INTS10: variants seen among roughly 807,000 people sequenced by gnomAD.
The protein encoded by INTS10 is chromosome 8 open reading frame 35.
A neutral mutation model predicts 94.4 loss-of-function variants in INTS10; 44 were observed. That is an observed-to-expected ratio of 0.47 (90% CI 0.37 to 0.60). INTS10 has a LOEUF of 0.60. Ranked by LOEUF, INTS10 falls within the 20% of genes least tolerant of loss-of-function variation. The probability of loss-of-function intolerance (pLI) is 0.00; values close to 1 mark genes in which losing one functional copy is unlikely to be tolerated. For synonymous variants in INTS10, 341 were observed against 320.7 expected (o/e 1.06, Z -0.68); for missense variants, 797 against 868.7 (o/e 0.92, Z 1.04).
intron 9 of INTS10, among the ~76,000 whole-genome samples, chr8:19,828,211 TAAAAAATA>T (rs1563371380): frequency 6.6e-6 from 1 of 152,086 alleles, no homozygotes; most frequent in Non-Finnish European, 1.5e-5. Context: ...ACCCCGTCTA[TAAAAAATA>T]AAAAAATAAA....
intron 3 of INTS10, among the ~76,000 whole-genome samples, chr8:19,820,151 G>T (rs149882755): frequency 6.6e-6 from 1 of 151,462 alleles, no homozygotes; most frequent in East Asian, 1.9e-4. Flanking sequence ...ATACATCATT[G>T]TTTTTTGAAT....
rs200274549 is a variant in INTS10, at chr8:19,833,215, T to C, written c.1424T>C (p.Leu475Pro). The change falls in exon 12 of 17, where the codon CTC becomes CCC. Residue 475 changes from leucine to proline, a missense_variant. Coordinates refer to ENST00000397977, the MANE Select transcript of INTS10 (RefSeq NM_018142.4). ...GCCAGCCTGCATCACTTAGCAGCTC[T>C]CCAGGGATCCATTTCTCAGCCACAG... is the stretch of plus-strand genomic sequence containing the variant. ...AIASLHHLAA[L>P]QGSISQPQIT... The C allele has an allele frequency of 1.3e-4, 217 of 1,612,694 alleles. No individual in the cohort carries two copies. The African/African-American group carries it at 2.6e-3, about 19-fold the overall frequency.
chr8:19,838,378 C>G (rs146956758), intron 13 of INTS10, among the ~76,000 whole-genome samples: 1 of 151,852 alleles, frequency 6.6e-6, no homozygotes, highest in African/African-American at 2.4e-5. Context: ...TCAGAATGTT[C>G]AAGAAAGAAA....
chr8:19,833,105 A>G, intron 11 of INTS10, 64 bp from the exon 12 acceptor site: 1 of 1,403,414 alleles, frequency 7.1e-7, no homozygotes, highest in Non-Finnish European at 9.5e-7. Flanking sequence ...CTGGAACGGT[A>G]TTTTTTAAAT....
At chr8:19,830,639 G>A (rs942788724) in intron 10 of INTS10, 80 bp downstream of exon 10, 58 of 1,342,906 alleles carry the variant, frequency 4.3e-5, no homozygotes, top group Non-Finnish European at 5.7e-5. Flanking sequence ...GGTCACTTAC[G>A]GCAAATTAAG....
chr8:19,834,106 G>A (rs919545043), intron 12 of INTS10, among the ~76,000 whole-genome samples: 8 of 152,046 alleles, frequency 5.3e-5, no homozygotes, highest in African/African-American at 1.9e-4. Flanking sequence ...TACAGGGTGG[G>A]GACTATGTTT....
intron 9 of INTS10, among the ~76,000 whole-genome samples, chr8:19,829,104 T>C (rs1262269357): frequency 1.3e-5 from 2 of 152,166 alleles, no homozygotes; most frequent in African/African-American, 2.4e-5. Flanking sequence ...TAGTTGCACA[T>C]ATTTTTATTT....
In INTS10 at chr8:19,830,546, A is replaced by C; in HGVS notation, c.1281A>C (p.Glu427Asp). 1 of 1,612,402 alleles carries C rather than the reference A, an allele frequency of 6.2e-7. No homozygotes were observed. Among genetic ancestry groups the C allele is most frequent in the Non-Finnish European group, 8.5e-7 (1 of 1,179,488 alleles). Residue 427 changes from glutamate (E) to aspartate (D), a missense_variant, in exon 10 of 17, where the codon GAA (glutamate) becomes GAC (aspartate). Transcript: ENST00000397977. ...GCTGGGAGTTGCTCTATTCCCTAGA[A>C]TTCCTTGACAAAGGTAAGAAAGCGC... ...RESWELLYSL[E>D]FLDKEFTRIC...
rs1055663021 is a variant in INTS10 at position 19,817,759 on chromosome 8, G to A, written c.129+93G>A. 42 of 1,474,852 alleles carry A rather than the reference G, an allele frequency of 2.8e-5. No individual in the cohort carries two copies. The African/African-American group carries it at 5.9e-4, about 21-fold the overall frequency. 91.4% of individuals were successfully genotyped at this position (1,474,852 alleles called of 1,614,324 possible). A position where few individuals can be genotyped will look rare whatever the true frequency, so the allele number is the denominator to read the frequency against. ...TGGCCCAGAGCTGCGCCTGCCTGGG[G>A]GCTGCCGCCTCCTGCCCGGCCCCCT... is the stretch of plus-strand genomic sequence containing the variant. On this transcript the variant is annotated intron_variant, in intron 1 of 16. Coordinates refer to ENST00000397977, the MANE Select transcript of INTS10 (RefSeq NM_018142.4).
At position 19,844,000 on chromosome 8, in the gene INTS10, A is replaced by C. The variant is rs2068355448; in HGVS notation, c.1720-76A>C. On this transcript the variant is annotated intron_variant, in intron 14 of 16. Transcript: ENST00000397977. The surrounding 1 kb of genome is among the most constrained non-coding windows in gnomAD (Gnocchi z 4.7). ...TTTGCATATACAGCATATTTTTGGA[A>C]AGTGATGTTTGCTGTATTTCAGATT... 2 of 1,199,526 alleles carry C rather than the reference A, an allele frequency of 1.7e-6. No homozygotes were observed. Among genetic ancestry groups the C allele is most frequent in the Admixed American group, 2.3e-5 (1 of 42,848 alleles). The allele number at this position is 1,199,526 out of a possible 1,614,324, so 74.3% of individuals were successfully genotyped here.
chr8:19,818,418 G>C, intron 2 of INTS10, 76 bp downstream of exon 2: 2 of 1,431,256 alleles, frequency 1.4e-6, no homozygotes, highest in Non-Finnish European at 2.0e-6. Flanking sequence ...GCAGAAGTGG[G>C]AGTTGGGGGA....
chr8:19,818,009 T>G (rs1465864797), intron 1 of INTS10, among the ~76,000 whole-genome samples: 1 of 152,176 alleles, frequency 6.6e-6, no homozygotes, highest in East Asian at 1.9e-4. Flanking sequence ...CGCTCCTTCA[T>G]TCATCATAAT....
At chr8:19,837,487 A>T in intron 13 of INTS10, 1 of 204,122 alleles carries the variant, frequency 4.9e-6, no homozygotes, top group South Asian at 1.2e-4. Context: ...AGCAGCTGTA[A>T]ATGTCTTTCT....
chr8:19,833,118 C>G (rs779572458), intron 11 of INTS10, 51 bp from the exon 12 acceptor site: 74 of 1,451,484 alleles, frequency 5.1e-5, no homozygotes, highest in Non-Finnish European at 6.3e-5. Flanking sequence ...TTTTAAATTT[C>G]TTTTTTTAAC....
chr8:19,845,938 T>G (rs989275565), intron 16 of INTS10, 141 bp downstream of exon 16: 22 of 497,806 alleles, frequency 4.4e-5, no homozygotes, highest in African/African-American at 4.0e-4. Flanking sequence ...AGTTTGATTC[T>G]GGGTACCTTT....
rs2069071326 is a variant in INTS10 at position 19,851,972 on chromosome 8, A to T, written c.*167A>T. ...CTTAAAAGTAGTTCCCAAGAGTCTG[A>T]GAAGCTATTTCTATTTTTAAGAGTC... On this transcript the variant is annotated 3_prime_UTR_variant, in exon 17 of 17. Coordinates refer to ENST00000397977, the MANE Select transcript of INTS10 (RefSeq NM_018142.4). The surrounding 1 kb of genome is among the most constrained non-coding windows in gnomAD (Gnocchi z 5.0). 1 of 456,568 alleles carries T rather than the reference A, an allele frequency of 2.2e-6. No individual in the cohort carries two copies. Among genetic ancestry groups the T allele is most frequent in the Non-Finnish European group, 3.8e-6 (1 of 261,394 alleles). The allele number at this position is 456,568 out of a possible 1,614,324, so 28.3% of individuals were successfully genotyped here.
intron 12 of INTS10, among the ~76,000 whole-genome samples, chr8:19,835,306 C>G (rs1286563982): frequency 6.6e-6 from 1 of 152,132 alleles, no homozygotes; most frequent in African/African-American, 2.4e-5. Context: ...CATCCTTCTA[C>G]TTAATTGAAG....
intron 10 of INTS10, among the ~76,000 whole-genome samples, chr8:19,831,248 G>A (rs550732843): frequency 2.0e-5 from 3 of 152,308 alleles, no homozygotes; most frequent in African/African-American, 4.8e-5. Context: ...ATTCAGCACC[G>A]TTCAGTTTCT....
chr8:19,844,076 C>G lies in INTS10; in HGVS notation c.1720C>G (p.Leu574Val). 6.3e-7 allele frequency: 1 copy of G among 1,593,612 alleles called. No individual in the cohort carries two copies. Among genetic ancestry groups the G allele is most frequent in the Non-Finnish European group, 8.5e-7 (1 of 1,169,880 alleles). The change falls in exon 15 of 17, where the codon CTT becomes GTT. Residue 574 changes from leucine (L) to valine (V), a missense_variant and splice_region_variant. Physicochemically the swap from Leu to Val is conservative, Grantham distance 32 (BLOSUM62 1). Around this residue, in one of 3 missense-constraint regions of INTS10, gnomAD observed 734 missense variants for 787.8 expected, o/e 0.93. Transcript: ENST00000397977. ...TCTTGTATAAATCTTTGTCTTGCAG[C>G]TTAGAGCTTTCACAGACAACAGAGA... Reference protein sequence around the residue: ...CLHLMLACFKLRAFTDNRDDM... With the variant: ...CLHLMLACFKVRAFTDNRDDM...
Sources: gnomAD v4.1 joint callset for allele counts (sites outside exome capture counted in the v4.1 genomes callset) on GRCh38, gnomAD v4.1.1 for gene constraint, gnomAD v4.1.1 regional missense constraint, Gnocchi (gnomAD v3.1) non-coding constraint, MANE v1.5 for transcripts, NCBI Gene and HGNC (gene_info 2026-07-23, HGNC 2026-07-21) for gene names.